The following CHRNA7 variants were observed in gnomAD, a reference collection of about 807,000 sequenced individuals.
CHRNA7 encodes neuronal acetylcholine receptor subunit alpha-7.
CHRNA7 carries 17 observed loss-of-function variants against 48.0 expected under a neutral mutation model. The observed-to-expected ratio is 0.35, with a 90% CI of 0.24 to 0.53. The LOEUF is 0.53. CHRNA7 is among the 20% of genes least tolerant of loss of function. CHRNA7 has a pLI of 0.92. For missense variants in CHRNA7, 155 were observed against 577.7 expected, an observed-to-expected ratio of 0.27 and a Z score of 7.50; for synonymous variants, 75 against 242.3, an observed-to-expected ratio of 0.31 and a Z score of 6.41.
chr15:32,069,311 A>G (rs568731354), intron 2 of CHRNA7, among the ~76,000 whole-genome samples: 1 of 152,374 alleles, frequency 6.6e-6, no homozygotes, highest in East Asian at 1.9e-4. Context: ...TATTTATCCA[A>G]TGAAATACTA....
rs555759339 is a variant in CHRNA7, at chr15:32,127,348, T to C, written c.350+15449T>C. Reference sequence around the variant, plus strand: ...ATAAATTACATAAGCACGCAATTGTTAGGTTGTATAATAAGCAGATGCTTC... The same window carrying C: ...ATAAATTACATAAGCACGCAATTGTCAGGTTGTATAATAAGCAGATGCTTC... On this transcript the variant is annotated intron_variant, in intron 4 of 9. Coordinates refer to ENST00000306901, the MANE Select transcript of CHRNA7 (RefSeq NM_000746.6). Among the ~76,000 whole-genome samples, 8 of 152,320 alleles carry C rather than the reference T, an allele frequency of 5.3e-5. No individual in the cohort carries two copies. The East Asian group carries it at 7.7e-4, about 15-fold the overall frequency.
At chr15:32,043,948 C>G (rs1208867042) in intron 2 of CHRNA7, among the ~76,000 whole-genome samples, 1 of 152,092 alleles carries the variant, frequency 6.6e-6, no homozygotes, top group African/African-American at 2.4e-5. Flanking sequence ...CTTTGTGTTG[C>G]CGGTTAGTTA....
At position 32,030,857 on chromosome 15, in the gene CHRNA7, G is replaced by T. The variant is rs781327608; in HGVS notation, c.56-41G>T. On this transcript the variant is annotated intron_variant, in intron 1 of 9. Coordinates refer to ENST00000306901, the MANE Select transcript of CHRNA7 (RefSeq NM_000746.6). ...GGAGGGAGTCGGGGGTACCCCCGCC[G>T]GCCTGCCCTGAGCCCCCTGCCCGGG... 24 of 1,602,794 alleles carry T rather than the reference G, an allele frequency of 1.5e-5. No homozygotes were observed. The East Asian group carries it at 5.2e-4, about 34-fold the overall frequency.
chr15:32,094,312 A>T (rs1401162623), intron 2 of CHRNA7, among the ~76,000 whole-genome samples: 1 of 152,234 alleles, frequency 6.6e-6, no homozygotes, highest in Non-Finnish European at 1.5e-5. Context: ...CACTGGGAAT[A>T]TTAAATGCTG....
intron 3 of CHRNA7, among the ~76,000 whole-genome samples, chr15:32,110,819 T>C (rs1028886046): frequency 6.6e-6 from 1 of 152,248 alleles, no homozygotes; most frequent in South Asian, 2.1e-4. Context: ...GAAATTACCA[T>C]GTATTTGATT....
At chr15:32,125,777 C>T (rs1177190040) in intron 4 of CHRNA7, among the ~76,000 whole-genome samples, 2 of 152,086 alleles carry the variant, frequency 1.3e-5, no homozygotes, top group Non-Finnish European at 2.9e-5. Flanking sequence ...GAGTACAGCT[C>T]AGGAATCGGT....
intron 4 of CHRNA7, among the ~76,000 whole-genome samples, chr15:32,118,124 A>G (rs1276722322): frequency 1.3e-5 from 2 of 152,154 alleles, no homozygotes; most frequent in Non-Finnish European, 2.9e-5. Context: ...TGGGACTGAT[A>G]ACTTGATAAG....
In CHRNA7 at chr15:32,149,859, A is replaced by T. The variant is rs1037601702; in HGVS notation, c.351-4048A>T. On this transcript the variant is annotated intron_variant, in intron 4 of 9. Coordinates refer to ENST00000306901, the MANE Select transcript of CHRNA7 (RefSeq NM_000746.6). The surrounding 1 kb of genome is among the most constrained non-coding windows in gnomAD (Gnocchi z 4.6). ...TAAATTGATCCAAATGCTTGAAAGAAAGGCTTGTAGGAACTTTTTTTTTTT... is the reference window on the plus strand; with the variant it reads ...TAAATTGATCCAAATGCTTGAAAGATAGGCTTGTAGGAACTTTTTTTTTTT... Among the ~76,000 whole-genome samples, 10 of 151,894 alleles carry T rather than the reference A, an allele frequency of 6.6e-5. No homozygotes were observed. Among genetic ancestry groups the T allele is most frequent in the Admixed American group, 5.9e-4 (9 of 15,260 alleles).
chr15:32,067,672 A>G (rs1427557611), intron 2 of CHRNA7, among the ~76,000 whole-genome samples: 1 of 152,250 alleles, frequency 6.6e-6, no homozygotes, highest in Non-Finnish European at 1.5e-5. Context: ...TTGAGATGCA[A>G]CTGCATAAAG....
intron 2 of CHRNA7, among the ~76,000 whole-genome samples, chr15:32,051,793 C>A (rs983532202): frequency 6.6e-6 from 1 of 152,156 alleles, no homozygotes; most frequent in Non-Finnish European, 1.5e-5. Context: ...GCCATCTTGG[C>A]TCCTCCCCAA....
chr15:32,059,711 C>T (rs894096617), intron 2 of CHRNA7, among the ~76,000 whole-genome samples: 2 of 151,860 alleles, frequency 1.3e-5, no homozygotes, highest in African/African-American at 4.8e-5. Flanking sequence ...ATGGGAAGTA[C>T]AGATATAGAG....
At chr15:32,042,137 T>C (rs1368693112) in intron 2 of CHRNA7, among the ~76,000 whole-genome samples, 1 of 152,154 alleles carries the variant, frequency 6.6e-6, no homozygotes, top group Admixed American at 6.5e-5. Context: ...GTTACTAATG[T>C]AGTGTTAAGG....
At chr15:32,033,618 A>G (rs1051371004) in intron 2 of CHRNA7, among the ~76,000 whole-genome samples, 7 of 152,226 alleles carry the variant, frequency 4.6e-5, no homozygotes, top group African/African-American at 1.7e-4. Flanking sequence ...CAAAATATGC[A>G]AACATTTGTA....
At chr15:32,101,445 GT>G in intron 3 of CHRNA7, 98 bp downstream of exon 3, 1 of 1,342,206 alleles carries the variant, frequency 7.5e-7, no homozygotes, top group Non-Finnish European at 1.0e-6. Context: ...GAGAGGTCCT[GT>G]TTAGGAAAAA....
chr15:32,133,317 C>T (rs2051188510), intron 4 of CHRNA7, among the ~76,000 whole-genome samples: 1 of 152,194 alleles, frequency 6.6e-6, no homozygotes, highest in South Asian at 2.1e-4. Context: ...TTCATGAGCT[C>T]CTTCACGTCC....
rs563053813 is a variant in CHRNA7 at position 32,052,466 on chromosome 15, C to T, written c.195+21429C>T. 3.9e-5 allele frequency among the ~76,000 whole-genome samples: 6 copies of T among 152,142 alleles called. No homozygotes were observed. The South Asian group carries it at 6.2e-4, about 16-fold the overall frequency. On this transcript the variant is annotated intron_variant, in intron 2 of 9. Coordinates refer to ENST00000306901, the MANE Select transcript of CHRNA7 (RefSeq NM_000746.6). ...ATGGAAGAGGCCAGGTGCGTTGGCTCACACTTGTAATCCCAGCAGTTTGGG... is the reference window on the plus strand; with the variant it reads ...ATGGAAGAGGCCAGGTGCGTTGGCTTACACTTGTAATCCCAGCAGTTTGGG...
intron 2 of CHRNA7, among the ~76,000 whole-genome samples, chr15:32,044,924 C>T (rs1013014128): frequency 7.2e-5 from 11 of 152,188 alleles, no homozygotes; most frequent in African/African-American, 2.7e-4. Context: ...GCGGCAATTC[C>T]CATTACTTTG....
At position 32,146,103 on chromosome 15, in the gene CHRNA7, A is replaced by G. The variant is rs376334093; in HGVS notation, c.351-7804A>G. Among the ~76,000 whole-genome samples the G allele has an allele frequency of 1.1e-3, 174 of 152,358 alleles. 3 individuals are homozygous for G. The South Asian group carries it at 0.034, about 29-fold the overall frequency. ...AATATCAGCATAACAAAGTCTAGCA[A>G]TAAGTTAAAAATAAATCCTAACAAG... On this transcript the variant is annotated intron_variant, in intron 4 of 9. Coordinates refer to ENST00000306901, the MANE Select transcript of CHRNA7 (RefSeq NM_000746.6).
intron 2 of CHRNA7, among the ~76,000 whole-genome samples, chr15:32,043,739 CT>C (rs1443404477): frequency 1.4e-5 from 2 of 141,920 alleles, no homozygotes; most frequent in African/African-American, 5.2e-5. Flanking sequence ...AGTCAGTATT[CT>C]TTTAGATTTA....
Sources: allele counts gnomAD v4.1 joint callset (sites outside exome capture counted in the v4.1 genomes callset), GRCh38; gene constraint gnomAD v4.1.1; non-coding constraint Gnocchi (gnomAD v3.1); transcripts MANE v1.5; gene names NCBI Gene and HGNC (gene_info 2026-07-23, HGNC 2026-07-21).